MAPK9: variants seen among roughly 807,000 people sequenced by gnomAD.
The protein encoded by MAPK9 is mitogen-activated protein kinase 9.
Under a neutral mutation model 57.1 loss-of-function variants are expected in MAPK9, and 30 were observed. That is an observed-to-expected ratio of 0.53 (90% CI 0.39 to 0.71). MAPK9 has a LOEUF of 0.71. Ranked by LOEUF, MAPK9 falls within the 30% of genes least tolerant of loss-of-function variation. The probability of loss-of-function intolerance (pLI) is 0.00; values close to 1 mark genes in which losing one functional copy is unlikely to be tolerated. For synonymous variants in MAPK9, 155 were observed against 177.0 expected (o/e 0.88, Z 0.99); for missense variants, 362 against 521.0 (o/e 0.69, Z 2.97).
At chr5:180,286,232 G>A (rs1317898339) in intron 1 of MAPK9, among the ~76,000 whole-genome samples, 5 of 130,294 alleles carry the variant, frequency 3.8e-5, no homozygotes, top group Non-Finnish European at 6.3e-5. Context: ...TGCAAGCTCC[G>A]CCTCCCAGGT....
intron 5 of MAPK9, among the ~76,000 whole-genome samples, chr5:180,259,989 T>C (rs189952670): frequency 6.6e-6 from 1 of 152,376 alleles, no homozygotes; most frequent in East Asian, 1.9e-4. Context: ...AACCGTATAA[T>C]TTACATAACA....
chr5:180,266,914 A>G (rs1438057241), intron 3 of MAPK9, among the ~76,000 whole-genome samples: 1 of 152,202 alleles, frequency 6.6e-6, no homozygotes, highest in Non-Finnish European at 1.5e-5. Context: ...TCATTGCAGC[A>G]CTGCTTATAA....
intron 5 of MAPK9, among the ~76,000 whole-genome samples, chr5:180,256,310 C>T (rs1469117358): frequency 6.7e-6 from 1 of 149,522 alleles, no homozygotes; most frequent in Admixed American, 6.8e-5. Context: ...TATCTCTGTG[C>T]ATGGTACTGT....
intron 7 of MAPK9, among the ~76,000 whole-genome samples, chr5:180,243,271 T>C (rs4639174): frequency 0.14 from 20,568 of 152,094 alleles, 1,496 homozygotes; most frequent in South Asian, 0.19. Flanking sequence ...TGATGCTCTA[T>C]TTTACTTGGA....
intron 1 of MAPK9, among the ~76,000 whole-genome samples, chr5:180,282,649 C>T (rs889076372): frequency 6.6e-6 from 1 of 152,196 alleles, no homozygotes; most frequent in African/African-American, 2.4e-5. Flanking sequence ...GGTACAAGTG[C>T]AAAGGATTAG....
At chr5:180,248,878 A>G (rs1165496435) in intron 6 of MAPK9, 95 bp downstream of exon 6, 5 of 1,361,056 alleles carry the variant, frequency 3.7e-6, no homozygotes, top group Middle Eastern at 2.7e-4. Context: ...CCCACAGTAT[A>G]TATCATATGG....
chr5:180,287,820 G>A (rs1397359229), intron 1 of MAPK9, among the ~76,000 whole-genome samples: 1 of 152,074 alleles, frequency 6.6e-6, no homozygotes, highest in Non-Finnish European at 1.5e-5. Flanking sequence ...ATTGCATTCC[G>A]AGTCTACTTA....
rs1410929851 is a variant in MAPK9, at chr5:180,241,147, C to T, written c.880G>A (p.Ala294Thr). The change falls in exon 9 of 12, where the codon GCC becomes ACC. Residue 294 changes from alanine to threonine, a missense_variant. By Grantham distance (58) the Ala-to-Thr change is moderately conservative. This residue lies in a region of MAPK9 where 199 missense variants were observed against 251.3 expected (regional missense o/e 0.79). Transcript: ENST00000452135. ...SERDKIKTSQ[A>T]RDLLSKMLVI... is the part of the protein sequence containing the mutation. ...AACATTTTTGATAACAGATCTCTGG[C>T]TTGACTTGCTAGGGTGACAACAAAT... is the stretch of plus-strand genomic sequence containing the variant. 4 of 1,612,444 alleles carry T rather than the reference C, an allele frequency of 2.5e-6. No individual in the cohort carries two copies. Among genetic ancestry groups the T allele is most frequent in the Non-Finnish European group, 3.4e-6 (4 of 1,179,440 alleles).
intron 5 of MAPK9, among the ~76,000 whole-genome samples, chr5:180,250,052 C>T (rs1297656872): frequency 1.3e-5 from 2 of 152,142 alleles, no homozygotes; most frequent in Non-Finnish European, 2.9e-5. Flanking sequence ...CAAAGACACG[C>T]CAGCACTGGT....
At chr5:180,241,749 A>T (rs1366001430) in intron 8 of MAPK9, among the ~76,000 whole-genome samples, 1 of 152,230 alleles carries the variant, frequency 6.6e-6, no homozygotes, top group Admixed American at 6.5e-5. Context: ...CCTCAGACCA[A>T]TGTCTGGGCA....
chr5:180,261,575 A>C, intron 5 of MAPK9, 109 bp downstream of exon 5: 1 of 1,050,828 alleles, frequency 9.5e-7, no homozygotes. Flanking sequence ...TCCATCATCT[A>C]TTTGGATTTT....
intron 8 of MAPK9, among the ~76,000 whole-genome samples, chr5:180,241,834 G>A (rs975628067): frequency 1.3e-5 from 2 of 152,220 alleles, no homozygotes; most frequent in African/African-American, 4.8e-5. Context: ...CAGAGTGTGG[G>A]CATGAGGCAC....
chr5:180,237,366 G>A (rs1757254368), intron 11 of MAPK9: 2 of 152,302 alleles, frequency 1.3e-5, no homozygotes, highest in South Asian at 4.1e-4. Context: ...GAGAGACAAT[G>A]ATATAACGTG....
At chr5:180,285,577 C>T (rs1344833863) in intron 1 of MAPK9, among the ~76,000 whole-genome samples, 1 of 152,174 alleles carries the variant, frequency 6.6e-6, no homozygotes, top group Admixed American at 6.5e-5. Flanking sequence ...AGCAGATTCT[C>T]ACAATCACCC....
At chr5:180,281,213 G>A (rs535036509) in intron 1 of MAPK9, among the ~76,000 whole-genome samples, 2 of 152,346 alleles carry the variant, frequency 1.3e-5, no homozygotes, top group South Asian at 4.1e-4. Context: ...GGCATCAGCT[G>A]GCACAGCCCC....
At position 180,235,493 on chromosome 5, in the gene MAPK9, G is replaced by C. The variant is rs1757108214; in HGVS notation, c.*891C>G. 6.6e-6 allele frequency: 1 copy of C among 152,214 alleles called. No homozygotes were observed. The highest frequency in any genetic ancestry group is 1.5e-5 in the Non-Finnish European group (1 of 68,046). The allele number at this position is 152,214 out of a possible 1,614,324, so 9.4% of individuals were successfully genotyped here. A position where few individuals can be genotyped will look rare whatever the true frequency, so the allele number is the denominator to read the frequency against. On this transcript the variant is annotated 3_prime_UTR_variant, in exon 12 of 12. Coordinates refer to ENST00000452135, the MANE Select transcript of MAPK9 (RefSeq NM_002752.5). The stretch of plus-strand genomic sequence containing the variant: ...ACTCCAACGTTAGGCCATGGATGCA[G>C]GAACCTATCTGCCATCATATTTAAT...
At chr5:180,265,945 C>T (rs6866937) in intron 3 of MAPK9, among the ~76,000 whole-genome samples, 151,961 of 152,298 alleles carry the variant, frequency 1, 75,814 homozygotes, top group Middle Eastern at 1. Context: ...ATAATCCTAG[C>T]GTAGAAAATC....
intron 1 of MAPK9, among the ~76,000 whole-genome samples, chr5:180,289,162 A>G (rs1354785455): frequency 6.6e-6 from 1 of 152,234 alleles, no homozygotes; most frequent in Non-Finnish European, 1.5e-5. Flanking sequence ...TCATGAAAAC[A>G]ACTGGTTTAC....
rs1409875796 is a variant in MAPK9 at position 180,292,048 on chromosome 5, C to G, written c.-248G>C. On this transcript the variant is annotated 5_prime_UTR_variant, in exon 1 of 12. Transcript: ENST00000452135. Reference sequence around the variant, plus strand: ...GCTGCGACCCTTCCGGTCCCGCTCCCTTCTCCGCCGCTGCCGCCGCCGCGG... The same window carrying G: ...GCTGCGACCCTTCCGGTCCCGCTCCGTTCTCCGCCGCTGCCGCCGCCGCGG... The G allele has an allele frequency of 6.5e-6, 1 of 153,668 alleles. No homozygotes were observed. The highest frequency in any genetic ancestry group is 1.4e-5 in the Non-Finnish European group (1 of 69,542). 9.5% of individuals were successfully genotyped at this position (153,668 alleles called of 1,614,324 possible).
Sources: gnomAD v4.1 joint callset for allele counts (sites outside exome capture counted in the v4.1 genomes callset) on GRCh38, gnomAD v4.1.1 for gene constraint, gnomAD v4.1.1 regional missense constraint, MANE v1.5 for transcripts, NCBI Gene and HGNC (gene_info 2026-07-23, HGNC 2026-07-21) for gene names.